Variants in SLC8A1 observed in about 807,000 individuals in gnomAD.
SLC8A1 encodes the protein solute carrier family 8 member A1.
SLC8A1 carries 18 observed loss-of-function variants against 68.3 expected under a neutral mutation model. The ratio of observed to expected loss-of-function variants is 0.26; its 90% CI spans 0.18 to 0.39. The LOEUF is 0.39. Among genes scored for constraint, SLC8A1 ranks in the 10% least tolerant of loss-of-function variants. The probability of loss-of-function intolerance (pLI) is 1.00; values close to 1 mark genes in which losing one functional copy is unlikely to be tolerated. For missense variants in SLC8A1, 985 were observed against 1,156.7 expected (o/e 0.85, Z 2.15); for synonymous variants, 475 against 415.5 (o/e 1.14, Z -1.74).
intron 1 of SLC8A1, among the ~76,000 whole-genome samples, chr2:40,475,423 G>A (rs997099696): frequency 2.0e-5 from 3 of 151,996 alleles, no homozygotes; most frequent in South Asian, 2.1e-4. Flanking sequence ...ATGAGCCACC[G>A]TGCCCGGCCT....
intron 1 of SLC8A1, among the ~76,000 whole-genome samples, chr2:40,435,191 G>C (rs560589692): frequency 7.2e-5 from 11 of 152,228 alleles, no homozygotes; most frequent in African/African-American, 2.6e-4. Context: ...TGTAATTCTT[G>C]CTGACTGAAA....
intron 2 of SLC8A1, chr2:40,220,383 T>C (rs886898316): frequency 1.3e-5 from 2 of 152,186 alleles, no homozygotes; most frequent in Non-Finnish European, 2.9e-5. Context: ...AAGGAGGTCA[T>C]TAGTGAGTCA....
At chr2:40,114,709 A>C (rs1254815223) in exon 8 of SLC8A1, 1 of 152,484 alleles carries the variant, frequency 6.6e-6, no homozygotes, top group East Asian at 1.9e-4. Context: ...TGGTAATACG[A>C]TGAAGACATG....
At chr2:40,397,229 T>C (rs980582190) in intron 2 of SLC8A1, among the ~76,000 whole-genome samples, 3 of 152,220 alleles carry the variant, frequency 2.0e-5, no homozygotes, top group Non-Finnish European at 2.9e-5. Flanking sequence ...CTGAATTGTA[T>C]TCCACTGTCA....
intron 2 of SLC8A1, among the ~76,000 whole-genome samples, chr2:40,404,173 G>C (rs1689625246): frequency 6.6e-6 from 1 of 152,106 alleles, no homozygotes; most frequent in Non-Finnish European, 1.5e-5. Context: ...AGGATTACAG[G>C]CTTCAGCCAC....
intron 2 of SLC8A1, among the ~76,000 whole-genome samples, chr2:40,402,645 G>C (rs934727206): frequency 5.9e-5 from 9 of 152,134 alleles, no homozygotes; most frequent in African/African-American, 2.2e-4. Context: ...TTCTGTCATG[G>C]CCTGGATTAA....
At chr2:40,172,227 C>T (rs2047624241) in intron 4 of SLC8A1, among the ~76,000 whole-genome samples, 1 of 152,118 alleles carries the variant, frequency 6.6e-6, no homozygotes, top group African/African-American at 2.4e-5. Context: ...GAGAGTGGCT[C>T]CTAGGCATTC....
chr2:40,121,261 C>A (rs60704771), intron 7 of SLC8A1, among the ~76,000 whole-genome samples: 4,037 of 152,198 alleles, frequency 0.027, 174 homozygotes, highest in African/African-American at 0.091. Flanking sequence ...CTTATTTATA[C>A]CAAGGCTTGA....
intron 2 of SLC8A1, among the ~76,000 whole-genome samples, chr2:40,260,830 C>T (rs2064604340): frequency 6.6e-6 from 1 of 151,614 alleles, no homozygotes. Flanking sequence ...GAAAGTGAGG[C>T]ATGCAATTTT....
intron 2 of SLC8A1, among the ~76,000 whole-genome samples, chr2:40,199,091 T>TATTCAA (rs1553406590): frequency 2.0e-5 from 3 of 150,762 alleles, no homozygotes; most frequent in Admixed American, 1.3e-4. Flanking sequence ...AATAGAAAAT[T>TATTCAA]GTTCAAGACT....
intron 1 of SLC8A1, among the ~76,000 whole-genome samples, chr2:40,443,608 G>A (rs989577809): frequency 5.9e-5 from 9 of 152,202 alleles, no homozygotes; most frequent in African/African-American, 2.2e-4. Context: ...TGAGGTCAGA[G>A]CCATGCAACT....
At chr2:40,302,571 CA>C (rs1559155335) in intron 2 of SLC8A1, among the ~76,000 whole-genome samples, 1 of 147,462 alleles carries the variant, frequency 6.8e-6, no homozygotes, top group East Asian at 2.0e-4. Flanking sequence ...ATCTGTATAA[CA>C]TATATATCAT....
At chr2:40,255,672 G>A (rs62150778) in intron 2 of SLC8A1, among the ~76,000 whole-genome samples, 5,222 of 152,184 alleles carry the variant, frequency 0.034, 187 homozygotes, top group African/African-American at 0.092. Flanking sequence ...ATAAATACGT[G>A]CAGAATTAAG....
intron 2 of SLC8A1, among the ~76,000 whole-genome samples, chr2:40,348,157 G>A (rs1372289275): frequency 1.3e-5 from 2 of 152,136 alleles, no homozygotes; most frequent in African/African-American, 2.4e-5. Context: ...GGAAGACAAC[G>A]TGGTGTGCAG....
intron 7 of SLC8A1, among the ~76,000 whole-genome samples, chr2:40,129,143 G>C (rs1418760488): frequency 6.6e-6 from 1 of 151,974 alleles, no homozygotes; most frequent in African/African-American, 2.4e-5. Context: ...GTATGTAAGT[G>C]ATACCACCAT....
intron 2 of SLC8A1, among the ~76,000 whole-genome samples, chr2:40,318,494 AAAG>A (rs2074768355): frequency 1.9e-5 from 2 of 105,774 alleles, no homozygotes; most frequent in African/African-American, 1.2e-4. Context: ...ATTTTACAGA[AAAG>A]AAAAAAAAAC....
chr2:40,174,020 A>G (rs1211348471), intron 4 of SLC8A1, among the ~76,000 whole-genome samples: 2 of 152,168 alleles, frequency 1.3e-5, no homozygotes, highest in Non-Finnish European at 2.9e-5. Flanking sequence ...TTCTAAATTT[A>G]AATGTTTGAA....
At chr2:40,465,591 C>T (rs1049174731) in intron 1 of SLC8A1, among the ~76,000 whole-genome samples, 5 of 151,844 alleles carry the variant, frequency 3.3e-5, no homozygotes, top group Non-Finnish European at 2.9e-5. Context: ...CATTAAGTAA[C>T]GTATTAATTT....
chr2:40,145,518 C>G (rs2042295869), intron 6 of SLC8A1, among the ~76,000 whole-genome samples: 1 of 152,188 alleles, frequency 6.6e-6, no homozygotes, highest in Non-Finnish European at 1.5e-5. Context: ...ACTCAGTAGG[C>G]TTTCTCCTCC....
Sources: gnomAD v4.1 joint callset for allele counts (sites outside exome capture counted in the v4.1 genomes callset) on GRCh38, gnomAD v4.1.1 for gene constraint, MANE v1.5 for transcripts, NCBI Gene and HGNC (gene_info 2026-07-23, HGNC 2026-07-21) for gene names.